TECR: variants seen among roughly 807,000 people sequenced by gnomAD.
The protein encoded by TECR is very-long-chain enoyl-CoA reductase.
Under a neutral mutation model 50.6 loss-of-function variants are expected in TECR, and 19 were observed. The ratio of observed to expected loss-of-function variants is 0.38; its 90% CI spans 0.26 to 0.55. The LOEUF (loss-of-function observed/expected upper bound fraction) is 0.55, where lower values mean the gene tolerates loss of function less well. Among genes scored for constraint, TECR ranks in the 20% least tolerant of loss-of-function variants. TECR has a pLI of 0.79. For synonymous variants in TECR, 168 were observed against 163.5 expected (o/e 1.03, Z -0.21); for missense variants, 313 against 408.3 (o/e 0.77, Z 2.01).
At chr19:14,559,308 G>A (rs999672702) in intron 1 of TECR, among the ~76,000 whole-genome samples, 1 of 151,998 alleles carries the variant, frequency 6.6e-6, no homozygotes, top group Non-Finnish European at 1.5e-5. Flanking sequence ...TCTGAAAGGA[G>A]ACCGGGTACC....
Position 14,564,035 on chromosome 19 carries a change from C to G in TECR, c.321C>G (p.Phe107Leu). 6.2e-7 allele frequency: 1 copy of G among 1,614,020 alleles called. No homozygotes were observed. Among genetic ancestry groups the G allele is most frequent in the Non-Finnish European group, 8.5e-7 (1 of 1,179,958 alleles). ...GPLFIYLLFY[F>L]RVPFIYGHKY... Reference sequence around the variant, plus strand: ...TTTTCATCTACCTGCTCTTCTACTTCCGAGTGCCCTTCATCTATGGCCACA... The same window carrying G: ...TTTTCATCTACCTGCTCTTCTACTTGCGAGTGCCCTTCATCTATGGCCACA... Residue 107 changes from phenylalanine to leucine, a missense_variant, in exon 6 of 13, where the codon TTC becomes TTG. Physicochemically the swap from Phe to Leu is conservative, Grantham distance 22. Coordinates refer to ENST00000215567, the MANE Select transcript of TECR (RefSeq NM_138501.6).
intron 1 of TECR, among the ~76,000 whole-genome samples, chr19:14,558,073 G>A (rs968786545): frequency 4.6e-5 from 7 of 152,138 alleles, no homozygotes; most frequent in African/African-American, 1.7e-4. Context: ...TCCTTAATAA[G>A]ATTTATCCTA....
rs1383765802 is a variant in TECR, at chr19:14,556,415, A to AAAAAAAAAAG, written c.16-6107_16-6106insAAAAAAGAAA. Among the ~76,000 whole-genome samples, 358 of 151,642 alleles carry AAAAAAAAAAG rather than the reference A, an allele frequency of 2.4e-3. 4 individuals are homozygous for AAAAAAAAAAG. The highest frequency in any genetic ancestry group is 8.3e-3 in the African/African-American group (343 of 41,266). Reference sequence around the variant, plus strand: ...GCGACAGCGAGACTCTCTCAAAAAAAAAACAAAAACAAAAAAAACCACATT... The same window carrying AAAAAAAAAAG: ...GCGACAGCGAGACTCTCTCAAAAAAAAAAAAAAAAGAAACAAAAACAAAAAAAACCACATT... On this transcript the variant is annotated intron_variant, in intron 1 of 12. Transcript: ENST00000215567.
Position 14,565,669 on chromosome 19 carries a change from C to T in TECR, c.799+6C>T, listed in dbSNP as rs10405483. ...CATGACGCAGTGTCTCCCAGGTGAG[C>T]CTGCCGCCCTCCCTCGGCGGGGCCC... On this transcript the variant is annotated splice_donor_region_variant and intron_variant, in intron 12 of 12. Transcript: ENST00000215567. 13,453 of 1,612,278 alleles carry T rather than the reference C, an allele frequency of 8.3e-3. 944 individuals carry two copies. In the African/African-American group the frequency reaches 0.15, roughly 18 times the overall value.
rs754062540 is a variant in TECR, at chr19:14,563,130, A to G, written c.67-76A>G. 3.2e-6 allele frequency: 5 copies of G among 1,572,002 alleles called. No homozygotes were observed. In the East Asian group the frequency reaches 1.2e-4, roughly 37 times the overall value. ...GCTACAGCCCAACCCCCAGCCTGCC[A>G]TCCCCTTTAGTACCTCCCCATCCTG... On this transcript the variant is annotated intron_variant, in intron 2 of 12. Coordinates refer to ENST00000215567, the MANE Select transcript of TECR (RefSeq NM_138501.6). This position sits in a 1 kb window ranked among gnomAD's most constrained non-coding sequence, Gnocchi z 5.3.
upstream of TECR, chr19:14,529,592 G>T (rs767150176): frequency 6.4e-7 from 1 of 1,568,376 alleles, no homozygotes; most frequent in Non-Finnish European, 8.8e-7. Flanking sequence ...ACGCAGAGCC[G>T]CGTTTAGTCT....
chr19:14,532,376 T>C (rs1255464869), intron 1 of TECR: 1 of 151,846 alleles, frequency 6.6e-6, no homozygotes, highest in Non-Finnish European at 1.5e-5. Flanking sequence ...AGAAACCTTG[T>C]CTCTACTAAA....
chr19:14,557,970 T>A (rs1325158339), intron 1 of TECR, among the ~76,000 whole-genome samples: 2 of 151,052 alleles, frequency 1.3e-5, no homozygotes, highest in Non-Finnish European at 2.9e-5. Context: ...TTAGCCAGGA[T>A]GGTCTCGATC....
intron 1 of TECR, among the ~76,000 whole-genome samples, chr19:14,561,524 G>T (rs75938581): frequency 0.026 from 3,991 of 152,274 alleles, 168 homozygotes; most frequent in African/African-American, 0.091. Flanking sequence ...GCTGGCACAG[G>T]CCTGGCTCTT....
chr19:14,548,854 C>T (rs374943326), intron 1 of TECR, among the ~76,000 whole-genome samples: 17 of 152,168 alleles, frequency 1.1e-4, no homozygotes, highest in East Asian at 3.9e-4. Context: ...TGATTACAGG[C>T]GGGAGCCACC....
chr19:14,544,526 C>T (rs2073235946), intron 1 of TECR, among the ~76,000 whole-genome samples: 1 of 151,888 alleles, frequency 6.6e-6, no homozygotes, highest in Non-Finnish European at 1.5e-5. Context: ...GCAGGTCTGG[C>T]TTTGAGTGCG....
intron 1 of TECR, among the ~76,000 whole-genome samples, chr19:14,548,108 G>A (rs199743722): frequency 2.0e-5 from 3 of 151,420 alleles, no homozygotes; most frequent in East Asian, 1.9e-4. Context: ...GACTACAGGC[G>A]CCCACCACCA....
intron 1 of TECR, among the ~76,000 whole-genome samples, chr19:14,550,688 T>G (rs534976181): frequency 7.3e-5 from 11 of 151,490 alleles, no homozygotes; most frequent in Non-Finnish European, 1.2e-4. Context: ...TTTTTTGGTT[T>G]GTTTGTTTTT....
rs73927062 is a variant in TECR, at chr19:14,558,399, C to T, written c.16-4126C>T. Among the ~76,000 whole-genome samples, 536 of 152,326 alleles carry T rather than the reference C, an allele frequency of 3.5e-3. 6 individuals are homozygous for T. The highest frequency in any genetic ancestry group is 0.012 in the African/African-American group (491 of 41,572). ...CTCTGGGCTTGGGAGGCACAAACCT[C>T]GCCCCTGCTCCCTCTTGCAGGGTGC... is the stretch of plus-strand genomic sequence containing the variant. On this transcript the variant is annotated intron_variant, in intron 1 of 12. Coordinates refer to ENST00000215567, the MANE Select transcript of TECR (RefSeq NM_138501.6).
chr19:14,557,763 T>C (rs1056502912), intron 1 of TECR, among the ~76,000 whole-genome samples: 3 of 149,864 alleles, frequency 2.0e-5, no homozygotes, highest in Non-Finnish European at 4.4e-5. Context: ...TCATATTTAT[T>C]CTTTTTTTTT....
At chr19:14,543,402 TATATATATATATATATA>T (rs1349358198) in intron 1 of TECR, among the ~76,000 whole-genome samples, 68 of 9,048 alleles carry the variant, frequency 7.5e-3, no homozygotes, top group Middle Eastern at 0.083. Flanking sequence ...TATATATATA[TATATATATATATATATA>T]TTTTTTTTTT....
Position 14,564,553 on chromosome 19 carries a change from C to A in TECR, c.490-233C>A, listed in dbSNP as rs1488298729. 7 of 572,712 alleles carry A rather than the reference C, an allele frequency of 1.2e-5. No individual in the cohort carries two copies. The East Asian group carries it at 2.0e-4, about 16-fold the overall frequency. 35.5% of individuals were successfully genotyped at this position (572,712 alleles called of 1,614,324 possible). A position where few individuals can be genotyped will look rare whatever the true frequency, so the allele number is the denominator to read the frequency against. On this transcript the variant is annotated intron_variant, in intron 7 of 12. Coordinates refer to ENST00000215567, the MANE Select transcript of TECR (RefSeq NM_138501.6). ...TAGGCACCGCCTATCCCCCCAGCCC[C>A]GCCCCTGCAGAGCCCCGCCCCAGTT...
chr19:14,544,720 A>G (rs575267303), intron 1 of TECR, among the ~76,000 whole-genome samples: 2 of 150,506 alleles, frequency 1.3e-5, no homozygotes, highest in East Asian at 2.0e-4. Flanking sequence ...TGCAACTCCA[A>G]CTCCTGGGTT....
chr19:14,543,421 T>TATA (rs1568406080), intron 1 of TECR, among the ~76,000 whole-genome samples: 5 of 6,898 alleles, frequency 7.2e-4, no homozygotes, highest in Admixed American at 1.8e-3. Flanking sequence ...ATATATATAT[T>TATA]TTTTTTTTTT....
Sources: gnomAD v4.1 joint callset for allele counts (sites outside exome capture counted in the v4.1 genomes callset) on GRCh38, gnomAD v4.1.1 for gene constraint, Gnocchi (gnomAD v3.1) non-coding constraint, MANE v1.5 for transcripts, NCBI Gene and HGNC (gene_info 2026-07-23, HGNC 2026-07-21) for gene names.